The following MPPED2 variants were observed in gnomAD, a reference collection of about 807,000 sequenced individuals.
The protein encoded by MPPED2 is metallophosphoesterase domain containing 2, also known as metallophosphoesterase MPPED2.
Under a neutral mutation model 33.0 loss-of-function variants are expected in MPPED2, and 5 were observed. That is an observed-to-expected ratio of 0.15 (90% CI 0.08 to 0.32). The LOEUF (loss-of-function observed/expected upper bound fraction) is 0.32, where lower values mean the gene tolerates loss of function less well. MPPED2 is among the 10% of genes least tolerant of loss of function. The probability of loss-of-function intolerance (pLI) is 1.00; values close to 1 mark genes in which losing one functional copy is unlikely to be tolerated. For synonymous variants in MPPED2, 136 were observed against 141.9 expected (o/e 0.96, Z 0.29); for missense variants, 275 against 372.1 (o/e 0.74, Z 2.15).
intron 1 of MPPED2, among the ~76,000 whole-genome samples, chr11:30,581,820 A>T (rs1957182791): frequency 6.6e-6 from 1 of 152,032 alleles, no homozygotes; most frequent in Admixed American, 6.6e-5. Flanking sequence ...AATAACACCC[A>T]CCTTGCCTGC....
At chr11:30,463,207 T>C (rs888623110) in intron 4 of MPPED2, among the ~76,000 whole-genome samples, 1 of 152,230 alleles carries the variant, frequency 6.6e-6, no homozygotes, top group African/African-American at 2.4e-5. Flanking sequence ...AATGTAATCC[T>C]GATAACAACT....
intron 2 of MPPED2, among the ~76,000 whole-genome samples, chr11:30,575,830 G>C (rs7940232): frequency 0.075 from 11,343 of 152,190 alleles, 1,447 homozygotes; most frequent in African/African-American, 0.26. Context: ...CTCCTAGGCT[G>C]TTTATAATCT....
At chr11:30,506,772 G>C (rs1029703360) in intron 3 of MPPED2, among the ~76,000 whole-genome samples, 9 of 152,144 alleles carry the variant, frequency 5.9e-5, no homozygotes, top group Admixed American at 1.3e-4. Context: ...CTGCAAATAA[G>C]AATTTTAAAA....
intron 3 of MPPED2, among the ~76,000 whole-genome samples, chr11:30,533,182 C>T (rs924347415): frequency 1.3e-5 from 2 of 152,122 alleles, no homozygotes; most frequent in Non-Finnish European, 2.9e-5. Flanking sequence ...GCTGAGTGTA[C>T]TTGGGTGGAT....
intron 3 of MPPED2, among the ~76,000 whole-genome samples, chr11:30,502,275 C>G (rs1190036669): frequency 2.0e-5 from 3 of 152,194 alleles, no homozygotes; most frequent in South Asian, 2.1e-4. Context: ...AAGGCCTACT[C>G]ATACATGAAT....
At chr11:30,386,853 G>T (rs1408576715) in exon 7 of MPPED2, 6 of 393,966 alleles carry the variant, frequency 1.5e-5, no homozygotes, top group Non-Finnish European at 2.7e-5. Flanking sequence ...AAAAGCAATA[G>T]TAGTAGTAGT....
chr11:30,557,661 T>C (rs764331297), intron 2 of MPPED2, among the ~76,000 whole-genome samples: 86 of 152,348 alleles, frequency 5.6e-4, no homozygotes, highest in South Asian at 3.9e-3. Context: ...CTGTTAACAA[T>C]GGAATGTGCA....
chr11:30,526,898 T>A (rs925573423), intron 3 of MPPED2, among the ~76,000 whole-genome samples: 15 of 151,962 alleles, frequency 9.9e-5, no homozygotes, highest in South Asian at 2.1e-4. Flanking sequence ...TATTTTTTTT[T>A]ATTTTTTTAA....
intron 2 of MPPED2, among the ~76,000 whole-genome samples, chr11:30,551,476 A>C (rs1195338365): frequency 6.6e-6 from 1 of 152,196 alleles, no homozygotes; most frequent in African/African-American, 2.4e-5. Context: ...AAAAATTGTA[A>C]GTTTTCTCCT....
chr11:30,545,523 T>A lies in MPPED2; in HGVS notation c.129-9348A>T, dbSNP rs1056820907. 2.0e-5 allele frequency among the ~76,000 whole-genome samples: 3 copies of A among 152,152 alleles called. 1 individual carries two copies. Among genetic ancestry groups the A allele is most frequent in the African/African-American group, 7.2e-5 (3 of 41,430 alleles). ...ACTGATCAGGACACGAACATCATTT[T>A]TTGGCTGAATAGAGTAATAGTGATG... On this transcript the variant is annotated intron_variant, in intron 2 of 6. Transcript: ENST00000358117.
chr11:30,423,593 A>G (rs489032), intron 4 of MPPED2, among the ~76,000 whole-genome samples: 33,649 of 152,154 alleles, frequency 0.22, 4,312 homozygotes, highest in Non-Finnish European at 0.3. Flanking sequence ...GGTTAAGAGC[A>G]TGGATTATGG....
At chr11:30,512,941 C>T (rs539294004) in intron 3 of MPPED2, among the ~76,000 whole-genome samples, 2 of 152,058 alleles carry the variant, frequency 1.3e-5, no homozygotes, top group South Asian at 4.1e-4. Flanking sequence ...CAGAGTTGCG[C>T]TGACCCAAGA....
chr11:30,526,592 G>T (rs1954193247), intron 3 of MPPED2, among the ~76,000 whole-genome samples: 1 of 151,930 alleles, frequency 6.6e-6, no homozygotes, highest in African/African-American at 2.4e-5. Context: ...TAAATCATAG[G>T]AAGAGTTAAT....
chr11:30,387,807 C>T (rs1171927052), exon 7 of MPPED2: 1 of 152,458 alleles, frequency 6.6e-6, no homozygotes, highest in Non-Finnish European at 1.5e-5. Context: ...CTGCATTCCA[C>T]ACTGTGACAG....
At chr11:30,448,680 C>CCA (rs1949918360) in intron 4 of MPPED2, among the ~76,000 whole-genome samples, 1 of 151,402 alleles carries the variant, frequency 6.6e-6, no homozygotes, top group Non-Finnish European at 1.5e-5. Flanking sequence ...GCACTCCCCA[C>CCA]TATTTTTTTT....
At chr11:30,507,460 G>A (rs1001809041) in intron 3 of MPPED2, among the ~76,000 whole-genome samples, 3 of 152,154 alleles carry the variant, frequency 2.0e-5, no homozygotes, top group Non-Finnish European at 4.4e-5. Context: ...CGCTGGACAG[G>A]AAGCTGCATA....
chr11:30,442,823 A>G (rs1039870751), intron 4 of MPPED2, among the ~76,000 whole-genome samples: 8 of 152,150 alleles, frequency 5.3e-5, no homozygotes, highest in Non-Finnish European at 1.0e-4. Flanking sequence ...CAAGCTGGGG[A>G]ACATAAACAG....
chr11:30,539,850 A>G (rs1159430403), intron 2 of MPPED2, among the ~76,000 whole-genome samples: 3 of 151,540 alleles, frequency 2.0e-5, no homozygotes, highest in Non-Finnish European at 4.4e-5. Flanking sequence ...CTAGTCTTGA[A>G]CTCCTGGGCT....
At chr11:30,536,564 T>C (rs1954823953) in intron 2 of MPPED2, among the ~76,000 whole-genome samples, 1 of 152,190 alleles carries the variant, frequency 6.6e-6, no homozygotes, top group Non-Finnish European at 1.5e-5. Flanking sequence ...CATTAGGAAA[T>C]AGATAACTAA....
Sources: gnomAD v4.1 joint callset for allele counts (sites outside exome capture counted in the v4.1 genomes callset) on GRCh38, gnomAD v4.1.1 for gene constraint, MANE v1.5 for transcripts, NCBI Gene and HGNC (gene_info 2026-07-23, HGNC 2026-07-21) for gene names.